Variants in PTPRD observed in about 807,000 individuals in gnomAD.
PTPRD encodes receptor-type tyrosine-protein phosphatase delta.
A neutral mutation model predicts 214.5 loss-of-function variants in PTPRD; 34 were observed. That is an observed-to-expected ratio of 0.16 (90% confidence interval 0.12 to 0.21). The LOEUF is 0.21. Among genes scored for constraint, PTPRD ranks in the 10% least tolerant of loss-of-function variants. PTPRD has a pLI of 1.00. For synonymous variants in PTPRD, 1,128 were observed against 845.7 expected, an observed-to-expected ratio of 1.33 and a Z score of -5.79; for missense variants, 2,545 against 2,398.7, an observed-to-expected ratio of 1.06 and a Z score of -1.27.
rs748662759 is a variant in PTPRD, at chr9:8,486,454, A to G, written c.2468-105T>C. Reference sequence around the variant, plus strand: ...ACTCTACTGGTATTCCCATTTTCTTACTTACCAAAACAAAACAAAACAGGC... The same window carrying G: ...ACTCTACTGGTATTCCCATTTTCTTGCTTACCAAAACAAAACAAAACAGGC... On this transcript the variant is annotated intron_variant, in intron 27 of 45. Transcript: ENST00000381196. 30 of 998,220 alleles carry G rather than the reference A, an allele frequency of 3.0e-5. No homozygotes were observed. In the Admixed American group the frequency reaches 4.7e-4, roughly 16 times the overall value. The allele number at this position is 998,220 out of a possible 1,614,324, so 61.8% of individuals were successfully genotyped here.
intron 9 of PTPRD, among the ~76,000 whole-genome samples, chr9:9,281,477 T>G (rs1427895468): frequency 6.6e-6 from 1 of 151,382 alleles, no homozygotes; most frequent in African/African-American, 2.4e-5. Context: ...TGAAGATAGC[T>G]AATAGATATA....
In PTPRD at chr9:8,940,054, C is replaced by T. The variant is rs369537618; in HGVS notation, c.-104+78643G>A. On this transcript the variant is annotated intron_variant, in intron 11 of 45. Transcript: ENST00000381196. ...TGTAGATTATTTCTGTATTTAACTA[C>T]AAATAAGTTTGGAAAAAAAAAAAAG... Among the ~76,000 whole-genome samples the T allele has an allele frequency of 9.8e-3, 645 of 65,684 alleles. 3 individuals carry two copies. The highest frequency in any genetic ancestry group is 0.019 in the Middle Eastern group (2 of 104). 43.1% of individuals were successfully genotyped at this position (65,684 alleles called of 152,430 possible).
intron 3 of PTPRD, among the ~76,000 whole-genome samples, chr9:10,192,197 G>T (rs928309055): frequency 4.6e-5 from 7 of 151,922 alleles, no homozygotes; most frequent in African/African-American, 1.2e-4. Context: ...TTTTAAATAG[G>T]CAGATACCTA....
chr9:8,331,390 T>TAAAC (rs1441235651), intron 44 of PTPRD, among the ~76,000 whole-genome samples, 192 bp downstream of exon 44: 2 of 142,082 alleles, frequency 1.4e-5, no homozygotes, highest in African/African-American at 5.8e-5. Flanking sequence ...TTTTTGGGGC[T>TAAAC]AAACATTTTC....
At chr9:8,323,025 A>G (rs1382599618) in intron 44 of PTPRD, among the ~76,000 whole-genome samples, 2 of 152,146 alleles carry the variant, frequency 1.3e-5, no homozygotes, top group Non-Finnish European at 2.9e-5. Context: ...AAGTTTTAGT[A>G]AGGAAGGCAC....
chr9:9,555,824 A>G (rs1471898129), intron 8 of PTPRD, among the ~76,000 whole-genome samples: 1 of 152,214 alleles, frequency 6.6e-6, no homozygotes, highest in Non-Finnish European at 1.5e-5. Flanking sequence ...AAATTTTTTA[A>G]TGCAAATATT....
chr9:10,204,924 G>A (rs1353474971), intron 3 of PTPRD, among the ~76,000 whole-genome samples: 2 of 152,132 alleles, frequency 1.3e-5, no homozygotes, highest in Non-Finnish European at 2.9e-5. Flanking sequence ...TATAGTCTGT[G>A]AAGTGCCAAA....
intron 7 of PTPRD, among the ~76,000 whole-genome samples, chr9:9,612,018 C>T (rs890785341): frequency 4.6e-5 from 7 of 151,790 alleles, no homozygotes; most frequent in Non-Finnish European, 1.0e-4. Flanking sequence ...TTTAACATGA[C>T]TATCAATATA....
chr9:8,828,690 AC>A (rs1206405634), intron 11 of PTPRD, among the ~76,000 whole-genome samples: 3 of 152,190 alleles, frequency 2.0e-5, no homozygotes, highest in Non-Finnish European at 4.4e-5. Context: ...TGAGAAGGTA[AC>A]TGAGAGTACT....
intron 35 of PTPRD, among the ~76,000 whole-genome samples, chr9:8,432,895 G>T (rs1273151514): frequency 6.6e-6 from 1 of 152,178 alleles, no homozygotes; most frequent in Non-Finnish European, 1.5e-5. Flanking sequence ...TAAGCCTACT[G>T]GGGAAGCTGT....
chr9:9,284,882 A>C (rs1023180040), intron 9 of PTPRD, among the ~76,000 whole-genome samples: 1 of 151,786 alleles, frequency 6.6e-6, no homozygotes, highest in African/African-American at 2.4e-5. Context: ...AAATATGATG[A>C]ACAGTATCTG....
rs1490278393 is a variant in PTPRD at position 10,404,570 on chromosome 9, G to GCATATAAC, written c.-599-63554_-599-63553insGTTATATG. 1.4e-3 allele frequency among the ~76,000 whole-genome samples: 9 copies of GCATATAAC among 6,468 alleles called. 3 individuals are homozygous for GCATATAAC. Among genetic ancestry groups the GCATATAAC allele is most frequent in the Middle Eastern group, 0.12 (2 of 16 alleles). The allele number at this position is 6,468 out of a possible 152,430, so 4.2% of individuals were successfully genotyped here. On this transcript the variant is annotated intron_variant, in intron 2 of 45. Transcript: ENST00000381196. ...TCTATTTTAAACTTAAGCCATGTTG[G>GCATATAAC]TGACACGTCCAAAATCAACCAGTGA...
rs577058541 is a variant in PTPRD, at chr9:8,936,413, C to A, written c.-104+82284G>T. On this transcript the variant is annotated intron_variant, in intron 11 of 45. Transcript: ENST00000381196. ...CTGCACTCCAGCCTAGGCAACAGAG[C>A]AAGACCCTGCCTCCAAAAAAAAAAA... Among the ~76,000 whole-genome samples the A allele has an allele frequency of 8.8e-4, 66 of 74,872 alleles. 1 individual carries two copies. The South Asian group carries it at 0.028, about 32-fold the overall frequency. 49.1% of individuals were successfully genotyped at this position (74,872 alleles called of 152,430 possible).
intron 2 of PTPRD, among the ~76,000 whole-genome samples, chr9:10,434,024 A>T (rs1251779811): frequency 1.3e-5 from 2 of 151,762 alleles, no homozygotes; most frequent in African/African-American, 4.8e-5. Context: ...AACAATTATT[A>T]TGCAACATTT....
At chr9:8,953,134 A>G (rs1163286749) in intron 11 of PTPRD, among the ~76,000 whole-genome samples, 1 of 151,858 alleles carries the variant, frequency 6.6e-6, no homozygotes, top group African/African-American at 2.4e-5. Context: ...ATGCTATGGG[A>G]ACTCATAACA....
intron 5 of PTPRD, among the ~76,000 whole-genome samples, chr9:9,780,914 A>C (rs1311560731): frequency 2.6e-5 from 4 of 152,238 alleles, no homozygotes; most frequent in African/African-American, 7.2e-5. Context: ...CAAATGACTG[A>C]GTGAAAGAGG....
chr9:9,563,195 G>C (rs2083421148), intron 8 of PTPRD, among the ~76,000 whole-genome samples: 1 of 152,122 alleles, frequency 6.6e-6, no homozygotes, highest in South Asian at 2.1e-4. Flanking sequence ...TCAAGATATA[G>C]TAATAAAAGT....
At chr9:10,468,662 G>T (rs914664126) in intron 2 of PTPRD, among the ~76,000 whole-genome samples, 2 of 151,974 alleles carry the variant, frequency 1.3e-5, no homozygotes, top group African/African-American at 2.4e-5. Flanking sequence ...ACATTAAAAA[G>T]AATAAAGGAA....
rs917432594 is a variant in PTPRD, at chr9:9,259,330, T to C, written c.-202-75967A>G. 3.3e-5 allele frequency among the ~76,000 whole-genome samples: 5 copies of C among 151,754 alleles called. 1 individual carries two copies. In the South Asian group the frequency reaches 6.2e-4, roughly 19 times the overall value. The stretch of plus-strand genomic sequence containing the variant: ...GAAAAAGATATCTGCTACACAAAAA[T>C]ACAGGGCAGACAGACTATAAAACTA... On this transcript the variant is annotated intron_variant, in intron 9 of 45. Coordinates refer to ENST00000381196, the MANE Select transcript of PTPRD (RefSeq NM_002839.4).
Sources: gnomAD v4.1 joint callset for allele counts (sites outside exome capture counted in the v4.1 genomes callset) on GRCh38, gnomAD v4.1.1 for gene constraint, MANE v1.5 for transcripts, NCBI Gene and HGNC (gene_info 2026-07-23, HGNC 2026-07-21) for gene names.